The following DAB1 variants were observed in gnomAD, a reference collection of about 807,000 sequenced individuals.
DAB1 encodes the protein disabled homolog 1.
A neutral mutation model predicts 64.6 loss-of-function variants in DAB1; 15 were observed. The ratio of observed to expected loss-of-function variants is 0.23; its 90% CI spans 0.16 to 0.36. DAB1 has a LOEUF of 0.36. Among genes scored for constraint, DAB1 ranks in the 10% least tolerant of loss-of-function variants. DAB1 has a pLI of 1.00. For missense variants in DAB1, 596 were observed against 706.7 expected (o/e 0.84, Z 1.78); for synonymous variants, 235 against 251.9 (o/e 0.93, Z 0.64).
intron 4 of DAB1, among the ~76,000 whole-genome samples, chr1:57,107,000 GC>G (rs1655221662): frequency 6.6e-6 from 1 of 152,126 alleles, no homozygotes; most frequent in African/African-American, 2.4e-5. Context: ...ACAACTTCAG[GC>G]ATCATTGTGT....
At chr1:57,497,648 G>A (rs551045555) in intron 7 of DAB1, among the ~76,000 whole-genome samples, 15 of 152,216 alleles carry the variant, frequency 9.9e-5, no homozygotes, top group Non-Finnish European at 1.6e-4. Context: ...GCAACAGGGT[G>A]TACGCTAGGT....
chr1:57,979,272 G>A (rs1646001710), intron 5 of DAB1, among the ~76,000 whole-genome samples: 1 of 152,202 alleles, frequency 6.6e-6, no homozygotes, highest in African/African-American at 2.4e-5. Flanking sequence ...CGGGGACATG[G>A]ATGAAGCTAA....
intron 1 of DAB1, among the ~76,000 whole-genome samples, chr1:57,855,246 G>T (rs1296349193): frequency 6.6e-6 from 1 of 152,096 alleles, no homozygotes; most frequent in African/African-American, 2.4e-5. Context: ...AACACATGAT[G>T]CTTGGTGTTT....
intron 5 of DAB1, among the ~76,000 whole-genome samples, chr1:58,025,338 G>A (rs1359026395): frequency 6.6e-6 from 1 of 151,970 alleles, no homozygotes; most frequent in Non-Finnish European, 1.5e-5. Context: ...AGTACCTCAA[G>A]ATGGCAGAAC....
Position 58,067,095 on chromosome 1 carries a change from C to T in DAB1, n.387+83416G>A, listed in dbSNP as rs560211845. Among the ~76,000 whole-genome samples, 3 of 152,316 alleles carry T rather than the reference C, an allele frequency of 2.0e-5. No individual in the cohort carries two copies. In the East Asian group the frequency reaches 5.8e-4, roughly 29 times the overall value. On this transcript the variant is annotated intron_variant and non_coding_transcript_variant, in intron 5 of 20. Transcript: ENST00000485760. ...TTCCTCTCATTCCACAAGCATCAGACCCTCTTGTTATTCTCTCCTATTACA... is the reference window on the plus strand; with the variant it reads ...TTCCTCTCATTCCACAAGCATCAGATCCTCTTGTTATTCTCTCCTATTACA...
intron 5 of DAB1, among the ~76,000 whole-genome samples, chr1:57,894,258 T>TTGTCTC (rs1356579873): frequency 6.6e-6 from 1 of 152,214 alleles, no homozygotes; most frequent in Non-Finnish European, 1.5e-5. Flanking sequence ...GCTCTACAGT[T>TTGTCTC]TGTCTCTGTC....
chr1:58,502,413 C>T (rs771405162), intron 3 of DAB1, among the ~76,000 whole-genome samples: 1 of 152,164 alleles, frequency 6.6e-6, no homozygotes. Flanking sequence ...ATTCTCATTG[C>T]TTCAACTATC....
chr1:57,518,640 A>G (rs371473937), intron 7 of DAB1, among the ~76,000 whole-genome samples: 29 of 152,290 alleles, frequency 1.9e-4, no homozygotes, highest in Middle Eastern at 3.4e-3. Context: ...GGGAAAGCTG[A>G]TAAGCAAGCT....
chr1:57,449,054 C>A (rs747062661), intron 7 of DAB1, among the ~76,000 whole-genome samples: 30 of 152,094 alleles, frequency 2.0e-4, no homozygotes, highest in Non-Finnish European at 3.2e-4. Context: ...CTCACCCCAT[C>A]TCATCTGGAG....
At chr1:57,253,212 C>T (rs1044996578) in intron 2 of DAB1, among the ~76,000 whole-genome samples, 11 of 152,072 alleles carry the variant, frequency 7.2e-5, no homozygotes, top group African/African-American at 2.2e-4. Context: ...TTAACAGAAG[C>T]GGCCACGGGA....
At chr1:58,157,275 T>C (rs1655277016) in intron 4 of DAB1, among the ~76,000 whole-genome samples, 1 of 152,210 alleles carries the variant, frequency 6.6e-6, no homozygotes, top group Admixed American at 6.5e-5. Flanking sequence ...AAAATATGAA[T>C]ACATGTGACT....
chr1:57,595,424 A>G (rs1489207200), intron 7 of DAB1, among the ~76,000 whole-genome samples: 1 of 152,158 alleles, frequency 6.6e-6, no homozygotes, highest in Non-Finnish European at 1.5e-5. Flanking sequence ...AAGAAAGGAA[A>G]GTGAGCACCT....
intron 2 of DAB1, among the ~76,000 whole-genome samples, chr1:57,229,043 C>T (rs1411899133): frequency 1.3e-5 from 2 of 152,128 alleles, no homozygotes; most frequent in Non-Finnish European, 2.9e-5. Flanking sequence ...ACCTAAAGTA[C>T]ATTTCATTTT....
At chr1:58,259,821 G>T (rs542230400) in intron 4 of DAB1, among the ~76,000 whole-genome samples, 69 of 152,326 alleles carry the variant, frequency 4.5e-4, no homozygotes, top group Non-Finnish European at 8.2e-4. Context: ...ACAAAGAATG[G>T]TCTGGTTAGG....
At chr1:58,006,749 G>A (rs1459724641) in intron 5 of DAB1, among the ~76,000 whole-genome samples, 1 of 152,132 alleles carries the variant, frequency 6.6e-6, no homozygotes, top group Non-Finnish European at 1.5e-5. Flanking sequence ...CCCACTGAAT[G>A]ATTCCCTCTC....
intron 6 of DAB1, among the ~76,000 whole-genome samples, chr1:57,672,551 C>T (rs991842574): frequency 2.0e-5 from 3 of 152,030 alleles, no homozygotes; most frequent in South Asian, 2.1e-4. Context: ...AAGCTCATTC[C>T]GCATCAATGA....
intron 1 of DAB1, among the ~76,000 whole-genome samples, chr1:57,385,265 T>C (rs1394286059): frequency 1.3e-5 from 2 of 152,192 alleles, no homozygotes; most frequent in Middle Eastern, 3.2e-3. Flanking sequence ...CAACCTTGAG[T>C]CTAGATGTTT....
intron 1 of DAB1, among the ~76,000 whole-genome samples, chr1:57,354,481 A>G (rs1678896980): frequency 6.6e-6 from 1 of 152,160 alleles, no homozygotes; most frequent in Non-Finnish European, 1.5e-5. Context: ...AGACTCAGTT[A>G]GGGAATTGAT....
At chr1:57,332,988 G>A (rs1305342082) in intron 1 of DAB1, among the ~76,000 whole-genome samples, 1 of 152,142 alleles carries the variant, frequency 6.6e-6, no homozygotes, top group South Asian at 2.1e-4. Context: ...TCTTCGCTTT[G>A]CTCTTTGCGT....
Sources: allele counts gnomAD v4.1 joint callset (sites outside exome capture counted in the v4.1 genomes callset), GRCh38; gene constraint gnomAD v4.1.1; transcripts MANE v1.5; gene names NCBI Gene and HGNC (gene_info 2026-07-23, HGNC 2026-07-21).